Variants in CTTNBP2 observed in about 807,000 individuals in gnomAD.
The protein encoded by CTTNBP2 is cortactin-binding protein 2.
CTTNBP2 carries 108 observed loss-of-function variants against 156.9 expected under a neutral mutation model. That is an observed-to-expected ratio of 0.69 (90% CI 0.59 to 0.81). The LOEUF is 0.81. Among genes scored for constraint, CTTNBP2 ranks in the 30% least tolerant of loss-of-function variants. The probability of loss-of-function intolerance (pLI) is 0.00; values close to 1 mark genes in which losing one functional copy is unlikely to be tolerated. For missense variants in CTTNBP2, 1,924 were observed against 2,035.4 expected (o/e 0.95, Z 1.05); for synonymous variants, 767 against 751.8 (o/e 1.02, Z -0.33).
chr7:117,745,974 T>C (rs1231566297), intron 13 of CTTNBP2, 39 bp downstream of exon 13: 1 of 1,611,834 alleles, frequency 6.2e-7, no homozygotes. Context: ...CACTTGCCAA[T>C]TTTCAAAGAA....
intron 8 of CTTNBP2, among the ~76,000 whole-genome samples, chr7:117,768,644 C>T (rs1280498985): frequency 6.7e-6 from 1 of 149,366 alleles, no homozygotes; most frequent in African/African-American, 2.5e-5. Flanking sequence ...GAAGCATTAT[C>T]ACAAAGCACA....
intron 20 of CTTNBP2, among the ~76,000 whole-genome samples, chr7:117,720,623 G>C (rs753529910): frequency 6.6e-6 from 1 of 152,070 alleles, no homozygotes; most frequent in Non-Finnish European, 1.5e-5. Flanking sequence ...GAACCTGGAG[G>C]TGGAGGTTGC....
Position 117,711,350 on chromosome 7 carries a change from A to T in CTTNBP2, c.*187T>A, listed in dbSNP as rs1295286858. ...TATTGAAGTTCAATCCTACAGAATT[A>T]AAAAAAAAAGCAACAAAATGTTGGT... On this transcript the variant is annotated 3_prime_UTR_variant, in exon 23 of 23. Coordinates refer to ENST00000160373, the MANE Select transcript of CTTNBP2 (RefSeq NM_033427.3). 59 of 377,036 alleles carry T rather than the reference A, an allele frequency of 1.6e-4. No homozygotes were observed. Among genetic ancestry groups the T allele is most frequent in the Non-Finnish European group, 2.4e-4 (52 of 220,954 alleles). 23.4% of individuals were successfully genotyped at this position (377,036 alleles called of 1,614,324 possible). A position where few individuals can be genotyped will look rare whatever the true frequency, so the allele number is the denominator to read the frequency against.
Position 117,746,132 on chromosome 7 carries a change from A to C in CTTNBP2, c.3349-33T>G, listed in dbSNP as rs758650300. 4 of 1,490,634 alleles carry C rather than the reference A, an allele frequency of 2.7e-6. No homozygotes were observed. In the South Asian group the frequency reaches 4.5e-5, roughly 17 times the overall value. 92.3% of individuals were successfully genotyped at this position (1,490,634 alleles called of 1,614,324 possible). A position where few individuals can be genotyped will look rare whatever the true frequency, so the allele number is the denominator to read the frequency against. On this transcript the variant is annotated intron_variant, in intron 12 of 22. Transcript: ENST00000160373. ...CAAACCAAGTAGAGAGCTAGGGTGA[A>C]GATGCTAAATTGATGAGAGAAAAAA...
intron 8 of CTTNBP2, among the ~76,000 whole-genome samples, chr7:117,775,725 A>C (rs1336317867): frequency 1.3e-5 from 2 of 152,106 alleles, no homozygotes; most frequent in African/African-American, 4.8e-5. Flanking sequence ...ACAACAGCAA[A>C]AGATTCATAG....
At chr7:117,760,141 G>A in intron 10 of CTTNBP2, 1 of 415,104 alleles carries the variant, frequency 2.4e-6, no homozygotes, top group Non-Finnish European at 4.4e-6. Flanking sequence ...GCAGCTGTGG[G>A]GTGTTTAGTT....
At chr7:117,833,000 C>T (rs1801713863) in intron 2 of CTTNBP2, among the ~76,000 whole-genome samples, 1 of 151,898 alleles carries the variant, frequency 6.6e-6, no homozygotes, top group South Asian at 2.1e-4. Flanking sequence ...TGTGATCCAC[C>T]CACCTCGGCC....
At chr7:117,723,356 T>C (rs1281399958) in intron 19 of CTTNBP2, among the ~76,000 whole-genome samples, 1 of 151,856 alleles carries the variant, frequency 6.6e-6, no homozygotes, top group African/African-American at 2.4e-5. Flanking sequence ...GAAAATATAC[T>C]CATAACTAAA....
chr7:117,852,191 T>C (rs1802970529), intron 2 of CTTNBP2, among the ~76,000 whole-genome samples: 1 of 151,918 alleles, frequency 6.6e-6, no homozygotes, highest in African/African-American at 2.4e-5. Context: ...AAATAAAGAA[T>C]TTTATAACAT....
chr7:117,791,615 G>A lies in CTTNBP2; in HGVS notation c.1581C>T (p.Thr527=). The A allele has an allele frequency of 6.2e-7, 1 of 1,614,112 alleles. No individual in the cohort carries two copies. The highest frequency in any genetic ancestry group is 8.5e-7 in the Non-Finnish European group (1 of 1,180,032). Residue 527 remains threonine (T), a synonymous_variant, in exon 4 of 23, where the codon ACC becomes ACT. Coordinates refer to ENST00000160373, the MANE Select transcript of CTTNBP2 (RefSeq NM_033427.3). ...DVGTHPPVGR[T]SLKTHGVARV... ...GTGCTACACCATGAGTCTTTAAACT[G>A]GTCCGACCAACTGGAGGGTGGGTGC...
intron 14 of CTTNBP2, among the ~76,000 whole-genome samples, chr7:117,739,200 G>A (rs1156569451): frequency 6.6e-6 from 1 of 152,136 alleles, no homozygotes; most frequent in Non-Finnish European, 1.5e-5. Flanking sequence ...TACGTGTCTA[G>A]TTCAGGTTAT....
intron 14 of CTTNBP2, among the ~76,000 whole-genome samples, chr7:117,737,049 T>C (rs1049941846): frequency 1.3e-5 from 2 of 152,188 alleles, no homozygotes; most frequent in African/African-American, 2.4e-5. Context: ...TTCTGGATGC[T>C]ATGAAAATTT....
At chr7:117,863,884 C>T (rs940222353) in intron 1 of CTTNBP2, among the ~76,000 whole-genome samples, 2 of 152,058 alleles carry the variant, frequency 1.3e-5, no homozygotes, top group African/African-American at 4.8e-5. Context: ...GCTCTTTTAT[C>T]CTGGTTTTTC....
At chr7:117,844,166 C>G (rs763184679) in intron 2 of CTTNBP2, among the ~76,000 whole-genome samples, 1 of 152,130 alleles carries the variant, frequency 6.6e-6, no homozygotes. Context: ...TGCAGACAGG[C>G]TCTAGAAGCT....
At position 117,791,484 on chromosome 7, in the gene CTTNBP2, C is replaced by T; in HGVS notation, c.1712G>A (p.Arg571Lys). The change falls in exon 4 of 23, where the codon AGG becomes AAG. Residue 571 changes from arginine (R) to lysine (K), a missense_variant. Physicochemically the swap from Arg to Lys is conservative, Grantham distance 26 (BLOSUM62 2). Transcript: ENST00000160373. The part of the protein sequence containing the change: ...PQLKVIIDSS[R>K]ASNTGAKVDN... The stretch of plus-strand genomic sequence containing the variant: ...AACTTTGGCCCCTGTGTTCGAGGCC[C>T]TGCTGCTGTCTATAATAACCTTGAG... 1 of 1,614,204 alleles carries T rather than the reference C, an allele frequency of 6.2e-7. No individual in the cohort carries two copies. The highest frequency in any genetic ancestry group is 8.5e-7 in the Non-Finnish European group (1 of 1,180,020).
intron 2 of CTTNBP2, among the ~76,000 whole-genome samples, chr7:117,848,097 G>GT (rs1563064925): frequency 6.6e-6 from 1 of 152,030 alleles, no homozygotes; most frequent in African/African-American, 2.4e-5. Flanking sequence ...GATTACAGGT[G>GT]TGAGCCACCA....
In CTTNBP2 at chr7:117,819,715, G is replaced by C. The variant is rs562916712; in HGVS notation, c.190-8726C>G. Among the ~76,000 whole-genome samples the C allele has an allele frequency of 7.2e-5, 11 of 152,198 alleles. No homozygotes were observed. In the South Asian group the frequency reaches 2.3e-3, roughly 32 times the overall value. On this transcript the variant is annotated intron_variant, in intron 2 of 22. Transcript: ENST00000160373. ...GCAATGCTGAGAATGTCAGAGAAGA[G>C]GTAAGCTTTTCCTCTTCCCTCTCAC...
chr7:117,804,266 C>A (rs1799797206), intron 3 of CTTNBP2, among the ~76,000 whole-genome samples: 1 of 152,076 alleles, frequency 6.6e-6, no homozygotes, highest in Admixed American at 6.6e-5. Context: ...CCCAACCAAG[C>A]CTGGCTTCAA....
At chr7:117,738,270 C>G (rs1217840786) in intron 14 of CTTNBP2, among the ~76,000 whole-genome samples, 3 of 152,164 alleles carry the variant, frequency 2.0e-5, no homozygotes, top group Non-Finnish European at 4.4e-5. Flanking sequence ...TATGAAGCCT[C>G]AGGACCAAGC....
Sources: gnomAD v4.1 joint callset for allele counts (sites outside exome capture counted in the v4.1 genomes callset) on GRCh38, gnomAD v4.1.1 for gene constraint, MANE v1.5 for transcripts, NCBI Gene and HGNC (gene_info 2026-07-23, HGNC 2026-07-21) for gene names.